LRRC63: variants seen among roughly 807,000 people sequenced by gnomAD.
The protein encoded by LRRC63 is leucine rich repeat containing 63, also known as leucine-rich repeat-containing protein 63.
Under a neutral mutation model 49.5 loss-of-function variants are expected in LRRC63, and 40 were observed. The observed-to-expected ratio is 0.81, with a 90% CI of 0.63 to 1.05. The LOEUF is 1.05. LRRC63 is among the 50% of genes least tolerant of loss of function. The pLI, the probability that LRRC63 is intolerant of heterozygous loss-of-function variation, is 0.00. For synonymous variants in LRRC63, 191 were observed against 221.1 expected, an observed-to-expected ratio of 0.86 and a Z score of 1.21; for missense variants, 636 against 663.1, an observed-to-expected ratio of 0.96 and a Z score of 0.45.
intron 9 of LRRC63, among the ~76,000 whole-genome samples, chr13:46,269,866 G>A (rs2047732171): frequency 6.8e-6 from 1 of 146,040 alleles, no homozygotes; most frequent in South Asian, 2.1e-4. Flanking sequence ...TATAGATGTA[G>A]TAGATATATC....
At chr13:46,214,949 T>C (rs2046205753) in intron 2 of LRRC63, among the ~76,000 whole-genome samples, 1 of 152,254 alleles carries the variant, frequency 6.6e-6, no homozygotes, top group Non-Finnish European at 1.5e-5. Flanking sequence ...ATCTCATTCC[T>C]TTTTATGGCT....
chr13:46,250,340 T>C lies in LRRC63; in HGVS notation c.1090-15T>C. 1 of 1,471,832 alleles carries C rather than the reference T, an allele frequency of 6.8e-7. No individual in the cohort carries two copies. The highest frequency in any genetic ancestry group is 9.2e-7 in the Non-Finnish European group (1 of 1,091,240). The allele number at this position is 1,471,832 out of a possible 1,614,324, so 91.2% of individuals were successfully genotyped here. On this transcript the variant is annotated splice_polypyrimidine_tract_variant and intron_variant, in intron 6 of 9. Coordinates refer to ENST00000595396, the Ensembl canonical transcript of LRRC63. ...ATTATTCCGCTCATGTTTGTTTCTC[T>C]TTTCTGTTCCCCAGATATTATGTCT... is the stretch of plus-strand genomic sequence containing the variant.
At chr13:46,226,169 G>T (rs189587697) in intron 2 of LRRC63, among the ~76,000 whole-genome samples, 14 of 151,796 alleles carry the variant, frequency 9.2e-5, no homozygotes, top group African/African-American at 3.4e-4. Flanking sequence ...TTTTTGTAGG[G>T]ATAGGAGTAT....
chr13:46,216,562 A>T (rs1010361927), intron 2 of LRRC63, among the ~76,000 whole-genome samples: 4 of 152,194 alleles, frequency 2.6e-5, no homozygotes, highest in African/African-American at 9.7e-5. Flanking sequence ...GTCATCTGCA[A>T]ACAGAGACAA....
chr13:46,269,368 C>T (rs628315), intron 9 of LRRC63, among the ~76,000 whole-genome samples: 114,655 of 152,068 alleles, frequency 0.75, 44,155 homozygotes, highest in East Asian at 0.97. Context: ...TTCTCATGCA[C>T]GTGGGAAAAC....
chr13:46,270,287 A>G (rs778703406), intron 9 of LRRC63: 1 of 839,762 alleles, frequency 1.2e-6, no homozygotes, highest in East Asian at 2.4e-5. Flanking sequence ...CTGTCAGATC[A>G]GTCCCAACTG....
chr13:46,262,127 A>G (rs567645185), intron 8 of LRRC63, 135 bp downstream of exon 8: 12 of 350,402 alleles, frequency 3.4e-5, no homozygotes, highest in Non-Finnish European at 5.6e-5. Flanking sequence ...TTTACCAAAC[A>G]TGTAATTTGA....
intron 9 of LRRC63, among the ~76,000 whole-genome samples, chr13:46,274,235 G>A (rs1242244054): frequency 6.6e-6 from 1 of 152,124 alleles, no homozygotes; most frequent in Admixed American, 6.5e-5. Flanking sequence ...TATGTGAGCC[G>A]AGTGAGAGAG....
At chr13:46,255,701 C>T (rs1342671153) in intron 7 of LRRC63, among the ~76,000 whole-genome samples, 1 of 146,702 alleles carries the variant, frequency 6.8e-6, no homozygotes, top group East Asian at 2.1e-4. Flanking sequence ...ATCTTTCCTC[C>T]TAGTCTTCCT....
intron 9 of LRRC63, among the ~76,000 whole-genome samples, chr13:46,269,291 G>A (rs1224283200): frequency 6.6e-6 from 1 of 151,254 alleles, no homozygotes; most frequent in East Asian, 1.9e-4. Flanking sequence ...AGGTAATAAA[G>A]GTTGGTATTA....
At chr13:46,230,899 A>G (rs945766884) in intron 4 of LRRC63, among the ~76,000 whole-genome samples, 2 of 152,186 alleles carry the variant, frequency 1.3e-5, no homozygotes, top group Non-Finnish European at 2.9e-5. Context: ...CTGCTTAGAA[A>G]TTTCTTCTAT....
chr13:46,276,852 T>TATATATATATATATATATATA, exon 10 of LRRC63: 1 of 120,080 alleles, frequency 8.3e-6, no homozygotes, highest in Admixed American at 9.8e-5. Flanking sequence ...ATATATATAT[T>TATATATATATATATATATATA]TATATATATA....
At chr13:46,233,879 C>T (rs935094464) in intron 4 of LRRC63, among the ~76,000 whole-genome samples, 3 of 152,162 alleles carry the variant, frequency 2.0e-5, no homozygotes, top group African/African-American at 7.2e-5. Context: ...TTTAAGAGAA[C>T]ATTTTTACAC....
At chr13:46,269,076 A>G (rs1249516052) in intron 9 of LRRC63, among the ~76,000 whole-genome samples, 7 of 152,116 alleles carry the variant, frequency 4.6e-5, no homozygotes, top group Admixed American at 4.6e-4. Flanking sequence ...TACTAAAAAC[A>G]CGTTATCCCC....
chr13:46,223,092 A>G (rs1373788540), intron 2 of LRRC63, among the ~76,000 whole-genome samples: 1 of 150,770 alleles, frequency 6.6e-6, no homozygotes, highest in African/African-American at 2.4e-5. Context: ...GGATAGCATT[A>G]GGAGATATAC....
intron 8 of LRRC63, 58 bp downstream of exon 8, chr13:46,262,050 T>C: frequency 1.9e-6 from 1 of 525,170 alleles, no homozygotes. Context: ...TAATAATGAT[T>C]GTGATAGAGA....
intron 9 of LRRC63, among the ~76,000 whole-genome samples, chr13:46,272,960 G>A (rs1182112925): frequency 6.6e-6 from 1 of 152,172 alleles, no homozygotes; most frequent in Non-Finnish European, 1.5e-5. Flanking sequence ...GTTATTCTAG[G>A]GAGAGGAGTT....
exon 1 of LRRC63, chr13:46,212,037 C>G (rs1005112514): frequency 2.0e-5 from 3 of 152,398 alleles, no homozygotes; most frequent in African/African-American, 7.2e-5. Context: ...GCAGGAAGAC[C>G]CTCGCTGGAC....
In LRRC63 at chr13:46,276,826, G is replaced by GTATATATATATATATA. The variant is rs752992115; in HGVS notation, c.*24_*25insATATATATATATATAT. The GTATATATATATATATA allele has an allele frequency of 7.5e-4, 124 of 165,260 alleles. 3 individuals are homozygous for GTATATATATATATATA. The highest frequency in any genetic ancestry group is 2.2e-3 in the Middle Eastern group (1 of 454). The allele number at this position is 165,260 out of a possible 1,614,324, so 10.2% of individuals were successfully genotyped here. A position where few individuals can be genotyped will look rare whatever the true frequency, so the allele number is the denominator to read the frequency against. On this transcript the variant is annotated 3_prime_UTR_variant, in exon 10 of 10. Transcript: ENST00000595396. ...TAGTACAATGATTTATCGTATGTGTGTGTATATATATATATATATATATAT... is the reference window on the plus strand; with the variant it reads ...TAGTACAATGATTTATCGTATGTGTGTATATATATATATATATGTATATATATATATATATATATAT...
Sources: gnomAD v4.1 joint callset for allele counts (sites outside exome capture counted in the v4.1 genomes callset) on GRCh38, gnomAD v4.1.1 for gene constraint, MANE v1.5 for transcripts, NCBI Gene and HGNC (gene_info 2026-07-23, HGNC 2026-07-21) for gene names.